KCNQ5: variants seen among roughly 807,000 people sequenced by gnomAD.
KCNQ5 encodes the protein potassium voltage-gated channel subfamily KQT member 5.
A neutral mutation model predicts 98.2 loss-of-function variants in KCNQ5; 30 were observed. That is an observed-to-expected ratio of 0.31 (90% CI 0.23 to 0.41). The LOEUF (loss-of-function observed/expected upper bound fraction) is 0.41, where lower values mean the gene tolerates loss of function less well. Ranked by LOEUF, KCNQ5 falls within the 10% of genes least tolerant of loss-of-function variation. The pLI, the probability that KCNQ5 is intolerant of heterozygous loss-of-function variation, is 1.00. For synonymous variants in KCNQ5, 458 were observed against 449.4 expected (o/e 1.02, Z -0.24); for missense variants, 835 against 1,182.5 (o/e 0.71, Z 4.31).
intron 11 of KCNQ5, among the ~76,000 whole-genome samples, chr6:73,190,082 A>G (rs201020247): frequency 5.0e-4 from 13 of 26,236 alleles, no homozygotes; most frequent in Non-Finnish European, 7.0e-4. Context: ...AATTTATGGG[A>G]AAAAAAAAAC....
Position 72,875,923 on chromosome 6 carries a change from A to G in KCNQ5, c.399-127985A>G, listed in dbSNP as rs1168126060. 3.9e-5 allele frequency among the ~76,000 whole-genome samples: 6 copies of G among 152,000 alleles called. No individual in the cohort carries two copies. The South Asian group carries it at 1.0e-3, about 26-fold the overall frequency. On this transcript the variant is annotated intron_variant, in intron 1 of 13. Coordinates refer to ENST00000370398, the MANE Select transcript of KCNQ5 (RefSeq NM_019842.4). ...CCTCAGTTTACATTTCTATATTTTT[A>G]TTACTGTTTACATGGTAACCCATAT...
intron 1 of KCNQ5, among the ~76,000 whole-genome samples, chr6:72,860,987 T>G (rs1279993085): frequency 1.3e-5 from 2 of 152,140 alleles, no homozygotes; most frequent in African/African-American, 4.8e-5. Flanking sequence ...TAATTATATA[T>G]ACAATATTAG....
chr6:73,082,583 C>A (rs1025745815), intron 5 of KCNQ5, among the ~76,000 whole-genome samples: 1 of 152,216 alleles, frequency 6.6e-6, no homozygotes, highest in African/African-American at 2.4e-5. Flanking sequence ...TCCTGCTTCT[C>A]ATCTCTTACA....
intron 1 of KCNQ5, among the ~76,000 whole-genome samples, chr6:72,838,931 CAG>C (rs991859862): frequency 3.7e-5 from 4 of 108,288 alleles, no homozygotes; most frequent in African/African-American, 7.5e-5. Flanking sequence ...GCCTGGGCGA[CAG>C]AGCGAGACTC....
chr6:72,852,752 G>A (rs1387816364), intron 1 of KCNQ5, among the ~76,000 whole-genome samples: 3 of 147,790 alleles, frequency 2.0e-5, no homozygotes, highest in Non-Finnish European at 4.5e-5. Context: ...AATTTTATGA[G>A]CCCATTTTTA....
rs140714077 is a variant in KCNQ5, at chr6:72,903,543, C to T, written c.399-100365C>T. 4.8e-3 allele frequency among the ~76,000 whole-genome samples: 731 copies of T among 152,090 alleles called. 11 individuals are homozygous for T. The highest frequency in any genetic ancestry group is 0.02 in the East Asian group (105 of 5,182). ...GATAGGTTGTGTCACTACTGTCGTTCAATTCAAAGATTTTTTTAACTTCTG... is the reference window on the plus strand; with the variant it reads ...GATAGGTTGTGTCACTACTGTCGTTTAATTCAAAGATTTTTTTAACTTCTG... On this transcript the variant is annotated intron_variant, in intron 1 of 13. Transcript: ENST00000370398.
chr6:72,842,440 G>A (rs893074800), intron 1 of KCNQ5, among the ~76,000 whole-genome samples: 7 of 152,150 alleles, frequency 4.6e-5, no homozygotes, highest in African/African-American at 1.7e-4. Context: ...TTGTAAAACC[G>A]TTATAGTAAT....
intron 1 of KCNQ5, among the ~76,000 whole-genome samples, chr6:72,694,133 A>AT (rs1317923695): frequency 6.6e-6 from 1 of 152,150 alleles, no homozygotes; most frequent in African/African-American, 2.4e-5. Flanking sequence ...GAAATTATAC[A>AT]TTTTTTGATC....
chr6:72,970,311 G>T (rs1277677525), intron 1 of KCNQ5, among the ~76,000 whole-genome samples: 1 of 152,006 alleles, frequency 6.6e-6, no homozygotes, highest in Non-Finnish European at 1.5e-5. Flanking sequence ...ATTCAAACAT[G>T]CTTATTACTC....
At chr6:72,896,939 TGTTG>T (rs572167810) in intron 1 of KCNQ5, among the ~76,000 whole-genome samples, 12 of 151,200 alleles carry the variant, frequency 7.9e-5, no homozygotes, top group South Asian at 2.1e-4. Flanking sequence ...TTTGTTTGTT[TGTTG>T]GTTGGTTGGT....
At chr6:73,144,657 T>C (rs1776851980) in intron 10 of KCNQ5, among the ~76,000 whole-genome samples, 2 of 152,350 alleles carry the variant, frequency 1.3e-5, no homozygotes, top group South Asian at 4.1e-4. Flanking sequence ...CAACCATTTG[T>C]TTAGCCCACA....
At chr6:73,008,106 T>C (rs1769896958) in intron 2 of KCNQ5, among the ~76,000 whole-genome samples, 2 of 148,526 alleles carry the variant, frequency 1.3e-5, no homozygotes, top group African/African-American at 5.0e-5. Flanking sequence ...CTATAGAATA[T>C]ACACAAGGAG....
intron 1 of KCNQ5, among the ~76,000 whole-genome samples, chr6:72,779,866 TGTGTGTGTGTGTGTGTA>T (rs1773369370): frequency 1.9e-5 from 2 of 107,886 alleles, no homozygotes; most frequent in Non-Finnish European, 4.2e-5. Flanking sequence ...TGTGTGTGTG[TGTGTGTGTGTGTGTGTA>T]AAGATGGGGT....
chr6:72,903,333 T>C (rs1395597427), intron 1 of KCNQ5, among the ~76,000 whole-genome samples: 1 of 152,186 alleles, frequency 6.6e-6, no homozygotes, highest in Non-Finnish European at 1.5e-5. Flanking sequence ...ATTCATTTAG[T>C]TCTGCTCTGA....
chr6:73,050,257 GGGAAGGAA>G (rs1208611192), intron 3 of KCNQ5, among the ~76,000 whole-genome samples: 802 of 76,310 alleles, frequency 0.011, 5 homozygotes, highest in East Asian at 0.035. Flanking sequence ...GAAGGAAGGA[GGGAAGGAA>G]GGAAGGAAGG....
At chr6:72,910,180 A>G (rs1430613895) in intron 1 of KCNQ5, among the ~76,000 whole-genome samples, 1 of 152,170 alleles carries the variant, frequency 6.6e-6, no homozygotes, top group East Asian at 1.9e-4. Context: ...TGATAATCTG[A>G]TTATTATTTA....
chr6:72,908,698 A>G (rs1157935617), intron 1 of KCNQ5, among the ~76,000 whole-genome samples: 1 of 152,166 alleles, frequency 6.6e-6, no homozygotes, highest in African/African-American at 2.4e-5. Flanking sequence ...GCAACAAGCC[A>G]TAGTGAATTA....
intron 1 of KCNQ5, among the ~76,000 whole-genome samples, chr6:72,915,563 A>G (rs1264328838): frequency 6.6e-6 from 1 of 152,168 alleles, no homozygotes; most frequent in Non-Finnish European, 1.5e-5. Flanking sequence ...TTCCATCTTA[A>G]ATATTTAAAT....
intron 5 of KCNQ5, among the ~76,000 whole-genome samples, chr6:73,101,045 T>G (rs539786238): frequency 2.6e-5 from 4 of 152,304 alleles, no homozygotes; most frequent in Admixed American, 1.3e-4. Context: ...TACTGTTGAA[T>G]TCTACCAAAC....
Sources: gnomAD v4.1 joint callset for allele counts (sites outside exome capture counted in the v4.1 genomes callset) on GRCh38, gnomAD v4.1.1 for gene constraint, MANE v1.5 for transcripts, NCBI Gene and HGNC (gene_info 2026-07-23, HGNC 2026-07-21) for gene names.